The following ZNF81 variants were observed in gnomAD, a reference collection of about 807,000 sequenced individuals.
ZNF81 encodes zinc finger protein 81 (HFZ20).
In ZNF81, 5 loss-of-function variants were observed where a neutral mutation model predicts 32.3. The observed-to-expected ratio is 0.15, with a 90% CI of 0.08 to 0.33. The LOEUF is 0.33. ZNF81 is among the 10% of genes least tolerant of loss of function. The pLI, the probability that ZNF81 is intolerant of heterozygous loss-of-function variation, is 1.00. For synonymous variants in ZNF81, 163 were observed against 166.8 expected (o/e 0.98, Z 0.17); for missense variants, 379 against 479.8 (o/e 0.79, Z 1.96).
chrX:47,900,596 A>G (rs1256308075), intron 4 of ZNF81, among the ~76,000 whole-genome samples: 1 of 112,171 alleles, frequency 8.9e-6, no homozygotes, highest in Non-Finnish European at 1.9e-5. Context: ...CTGCTCCATC[A>G]TATTTTGAGT....
intron 2 of ZNF81, among the ~76,000 whole-genome samples, chrX:47,859,086 C>T (rs2058528962): frequency 9.4e-6 from 1 of 106,752 alleles, no homozygotes; most frequent in African/African-American, 3.4e-5. Flanking sequence ...GAGCCAAACT[C>T]CGTCTCAAAA....
chrX:47,853,441 A>G (rs1013393765), intron 2 of ZNF81, among the ~76,000 whole-genome samples: 1 of 111,840 alleles, frequency 8.9e-6, no homozygotes, highest in Non-Finnish European at 1.9e-5. Flanking sequence ...TGGCCCCCCA[A>G]AGTGCTGGGG....
chrX:47,889,131 T>C (rs2058653433), intron 3 of ZNF81, among the ~76,000 whole-genome samples: 1 of 111,735 alleles, frequency 8.9e-6, no homozygotes, highest in Non-Finnish European at 1.9e-5. Flanking sequence ...TTTCAGCCTA[T>C]CCATATGGCA....
At chrX:47,893,167 G>C (rs888022972) in intron 3 of ZNF81, among the ~76,000 whole-genome samples, 1 of 111,501 alleles carries the variant, frequency 9.0e-6, no homozygotes, top group Non-Finnish European at 1.9e-5. Flanking sequence ...TGACTGTAGG[G>C]AGTTAAGAGA....
At chrX:47,907,205 A>G (rs1404766575) in intron 4 of ZNF81, among the ~76,000 whole-genome samples, 1 of 93,849 alleles carries the variant, frequency 1.1e-5, no homozygotes, top group East Asian at 3.2e-4. Flanking sequence ...TTTTTGACAC[A>G]GAGGCACCCA....
At chrX:47,914,008 C>A (rs1192809742) in intron 4 of ZNF81, among the ~76,000 whole-genome samples, 1 of 111,220 alleles carries the variant, frequency 9.0e-6, no homozygotes, top group Non-Finnish European at 1.9e-5. Context: ...TGGACTTGTA[C>A]ACATACCAGG....
At chrX:47,853,914 G>T (rs952863569) in intron 2 of ZNF81, among the ~76,000 whole-genome samples, 1 of 111,969 alleles carries the variant, frequency 8.9e-6, no homozygotes, top group South Asian at 3.7e-4. Context: ...TCCTTTGAAG[G>T]TTTGAAGCCA....
intron 2 of ZNF81, among the ~76,000 whole-genome samples, chrX:47,866,914 A>G (rs781934000): frequency 7.1e-5 from 8 of 111,991 alleles, no homozygotes; most frequent in Non-Finnish European, 7.5e-5. Context: ...ATGGAATACT[A>G]TGCAGCCATA....
At chrX:47,881,703 A>G (rs1338673261) in intron 2 of ZNF81, among the ~76,000 whole-genome samples, 1 of 112,034 alleles carries the variant, frequency 8.9e-6, no homozygotes, top group Non-Finnish European at 1.9e-5. Flanking sequence ...CTAAACTTAC[A>G]TCCCCAGTAG....
In ZNF81 at chrX:47,861,655, C is replaced by G. The variant is rs149259648; in HGVS notation, c.54+15334C>G. Among the ~76,000 whole-genome samples the G allele has an allele frequency of 1.9e-4, 21 of 112,090 alleles. No homozygotes were observed. In the East Asian group the frequency reaches 5.6e-3, roughly 30 times the overall value. On this transcript the variant is annotated intron_variant, in intron 2 of 4. Transcript: ENST00000338637. ...CACCGGGCCAATCCCCAGTATTTTC[C>G]TCAACCGTAACCCTTAGGGTTCCAG...
At chrX:47,861,936 C>T (rs1556882608) in intron 2 of ZNF81, among the ~76,000 whole-genome samples, 1 of 112,042 alleles carries the variant, frequency 8.9e-6, no homozygotes, top group East Asian at 2.8e-4. Context: ...CATTATTAAT[C>T]ACCTCGGCTA....
chrX:47,897,273 G>A (rs889821646), intron 4 of ZNF81, among the ~76,000 whole-genome samples: 1 of 111,970 alleles, frequency 8.9e-6, no homozygotes, highest in African/African-American at 3.2e-5. Flanking sequence ...CTATTGTAGC[G>A]GATATTATAA....
chrX:47,915,584 A>G lies in ZNF81; in HGVS notation c.938A>G (p.Gln313Arg). The G allele has an allele frequency of 8.3e-7, 1 of 1,211,760 alleles. No homozygotes were observed. Among genetic ancestry groups the G allele is most frequent in the Admixed American group, 2.2e-5 (1 of 45,965 alleles). Residue 313 changes from glutamine (Q) to arginine (R), a missense_variant, in exon 5 of 5, where the codon CAG becomes CGG. Gln to Arg is a conservative substitution (Grantham distance 43, BLOSUM62 1). Transcript: ENST00000338637. ...ELSKCVNVFT[Q>R]KPLLSIYLRV... Reference sequence around the variant, plus strand: ...AGCAAATGTGTAAATGTTTTTACACAGAAGCCACTACTCAGTATATATCTG... The same window carrying G: ...AGCAAATGTGTAAATGTTTTTACACGGAAGCCACTACTCAGTATATATCTG...
intron 2 of ZNF81, among the ~76,000 whole-genome samples, chrX:47,884,494 C>A (rs1480645993): frequency 9.0e-6 from 1 of 110,782 alleles, no homozygotes; most frequent in Non-Finnish European, 1.9e-5. Flanking sequence ...GATCCACTTC[C>A]AAGCTTACTC....
At chrX:47,837,488 T>G (rs958066295) in intron 1 of ZNF81, among the ~76,000 whole-genome samples, 6 of 112,640 alleles carry the variant, frequency 5.3e-5, no homozygotes, top group Non-Finnish European at 9.4e-5. Flanking sequence ...GTGATGGTGA[T>G]TTGTCTGTGT....
rs782676432 is a variant in ZNF81, at chrX:47,879,702, ACT to A, written c.55-8294_55-8293del. ...AACCTGCCCTTTGTTCTGGAGGGAG[ACT>A]CTGTCTTCCAGGGCTGCTTGCTGTA... is the stretch of plus-strand genomic sequence containing the variant. On this transcript the variant is annotated intron_variant, in intron 2 of 4. Coordinates refer to ENST00000338637, the MANE Select transcript of ZNF81 (RefSeq NM_007137.5). Among the ~76,000 whole-genome samples the A allele has an allele frequency of 4.6e-4, 51 of 111,761 alleles. No homozygotes were observed. In the South Asian group the frequency reaches 5.6e-3, roughly 12 times the overall value.
At chrX:47,860,277 G>A (rs1253924013) in intron 2 of ZNF81, among the ~76,000 whole-genome samples, 1 of 107,207 alleles carries the variant, frequency 9.3e-6, no homozygotes, top group African/African-American at 3.4e-5. Flanking sequence ...CTGGGTTCAT[G>A]CCATTCTCCT....
intron 2 of ZNF81, among the ~76,000 whole-genome samples, chrX:47,865,131 T>C (rs1556883075): frequency 1.8e-5 from 2 of 111,820 alleles, no homozygotes; most frequent in Admixed American, 1.9e-4. Context: ...GCAGCCTTGC[T>C]CTAGTTGGCA....
At chrX:47,909,655 T>C (rs1250648990) in intron 4 of ZNF81, among the ~76,000 whole-genome samples, 4 of 107,998 alleles carry the variant, frequency 3.7e-5, no homozygotes, top group African/African-American at 1.4e-4. Flanking sequence ...ATGTGCACAA[T>C]ATGCAGGTTA....
Sources: gnomAD v4.1 joint callset for allele counts (sites outside exome capture counted in the v4.1 genomes callset) on GRCh38, gnomAD v4.1.1 for gene constraint, MANE v1.5 for transcripts, NCBI Gene and HGNC (gene_info 2026-07-23, HGNC 2026-07-21) for gene names.